The following PAPPA2 variants were observed in gnomAD, a reference collection of about 807,000 sequenced individuals.
PAPPA2 encodes pappalysin 2.
A neutral mutation model predicts 176.4 loss-of-function variants in PAPPA2; 86 were observed. The ratio of observed to expected loss-of-function variants is 0.49; its 90% confidence interval spans 0.41 to 0.58. The LOEUF is 0.58. PAPPA2 is among the 20% of genes least tolerant of loss of function. The pLI, the probability that PAPPA2 is intolerant of heterozygous loss-of-function variation, is 0.00. For missense variants in PAPPA2, 2,073 were observed against 2,256.9 expected (o/e 0.92, Z 1.65); for synonymous variants, 809 against 852.2 (o/e 0.95, Z 0.88).
intron 1 of PAPPA2, among the ~76,000 whole-genome samples, chr1:176,487,659 T>A (rs1013851940): frequency 6.6e-6 from 1 of 152,044 alleles, no homozygotes; most frequent in Non-Finnish European, 1.5e-5. Context: ...CTAATAAGCA[T>A]TTATTGAGTG....
chr1:176,744,187 T>C (rs981480345), intron 14 of PAPPA2, among the ~76,000 whole-genome samples: 2 of 152,226 alleles, frequency 1.3e-5, no homozygotes, highest in African/African-American at 4.8e-5. Context: ...GGATCATACA[T>C]CTTGCCAATC....
At chr1:176,651,538 A>G (rs774330788) in intron 3 of PAPPA2, among the ~76,000 whole-genome samples, 8 of 151,568 alleles carry the variant, frequency 5.3e-5, no homozygotes, top group Non-Finnish European at 1.0e-4. Context: ...TTCTTTTAGA[A>G]TCCTTTCTTT....
In PAPPA2 at chr1:176,726,219, A is replaced by G. The variant is rs1400807092; in HGVS notation, c.3799-13407A>G. Among the ~76,000 whole-genome samples the G allele has an allele frequency of 2.6e-5, 4 of 152,198 alleles. No homozygotes were observed. The South Asian group carries it at 6.2e-4, about 24-fold the overall frequency. On this transcript the variant is annotated intron_variant, in intron 12 of 22. Transcript: ENST00000367662. Reference sequence around the variant, plus strand: ...GTCATTTAGCTCAAGGATTATTTCTATTATAGAACCTAACCCTTTCTAAAC... The same window carrying G: ...GTCATTTAGCTCAAGGATTATTTCTGTTATAGAACCTAACCCTTTCTAAAC...
chr1:176,790,097 A>G, intron 18 of PAPPA2, 120 bp downstream of exon 18: 1 of 1,145,346 alleles, frequency 8.7e-7, no homozygotes, highest in Non-Finnish European at 1.3e-6. Context: ...TTGGGATTCT[A>G]ATCGGGAGTG....
chr1:176,737,798 G>A lies in PAPPA2; in HGVS notation c.3799-1828G>A, dbSNP rs572396166. 7.9e-5 allele frequency among the ~76,000 whole-genome samples: 12 copies of A among 152,156 alleles called. No individual in the cohort carries two copies. The South Asian group carries it at 1.9e-3, about 24-fold the overall frequency. On this transcript the variant is annotated intron_variant, in intron 12 of 22. Transcript: ENST00000367662. Reference sequence around the variant, plus strand: ...AAAATAGGTTGGAGGTTTAGGCAGCGACGTTCAAAAGGTAGACACTCACAC... The same window carrying A: ...AAAATAGGTTGGAGGTTTAGGCAGCAACGTTCAAAAGGTAGACACTCACAC...
chr1:176,691,243 G>C (rs1038353746), intron 5 of PAPPA2: 11 of 911,090 alleles, frequency 1.2e-5, no homozygotes, highest in African/African-American at 1.8e-5. Flanking sequence ...TATAAGTTTT[G>C]GGGGCTTGTT....
intron 1 of PAPPA2, among the ~76,000 whole-genome samples, chr1:176,534,690 C>A (rs530211876): frequency 6.6e-6 from 1 of 152,238 alleles, no homozygotes; most frequent in South Asian, 2.1e-4. Context: ...AGAAGCAATG[C>A]GGTTTATCTC....
intron 14 of PAPPA2, among the ~76,000 whole-genome samples, chr1:176,749,071 A>ATCATACACATATTTGACCACATTGGTGG (rs71129583): frequency 0.9 from 136,492 of 151,444 alleles, 61,539 homozygotes; most frequent in East Asian, 0.96. Context: ...TCCAGTATCT[A>ATCATACACATATTTGACCACATTGGTGG]TCATACACAT....
chr1:176,734,024 T>TC (rs1027082249), intron 12 of PAPPA2, among the ~76,000 whole-genome samples: 8 of 152,000 alleles, frequency 5.3e-5, no homozygotes, highest in Admixed American at 4.6e-4. Flanking sequence ...AGAGGTTTTT[T>TC]CCCCCCTCTG....
chr1:176,793,655 C>A lies in PAPPA2; in HGVS notation c.5116C>A (p.Pro1706Thr), dbSNP rs758754937. Residue 1706 changes from proline (P) to threonine (T), a missense_variant, in exon 20 of 23, where the codon CCT becomes ACT. Physicochemically the swap from Pro to Thr is conservative, Grantham distance 38. Transcript: ENST00000367662. ...TADTLEHWMEPVKVQSIVCTG... is the reference protein window; with the variant it reads ...TADTLEHWMETVKVQSIVCTG... ...TGACACTCTGGAGCACTGGATGGAA[C>A]CTGTCAAAGTCCAGGTGAGGAAAGG... 3.7e-6 allele frequency: 6 copies of A among 1,607,336 alleles called. No homozygotes were observed. Among genetic ancestry groups the A allele is most frequent in the Non-Finnish European group, 4.3e-6 (5 of 1,175,278 alleles).
chr1:176,711,953 T>C lies in PAPPA2; in HGVS notation c.3770T>C (p.Leu1257Pro). Residue 1257 changes from leucine (L) to proline (P), a missense_variant, in exon 12 of 23, where the codon CTG becomes CCG. Physicochemically the swap from Leu to Pro is moderately conservative, Grantham distance 98. Coordinates refer to ENST00000367662, the MANE Select transcript of PAPPA2 (RefSeq NM_020318.3). ...DDRSEQPEGS[L>P]KKEDEVWLKV... ...AGGAGTGAACAGCCAGAAGGTAGCC[T>C]GAAGAAAGAGGATGAGGTTTGGCTC... is the stretch of plus-strand genomic sequence containing the variant. 1 of 1,613,290 alleles carries C rather than the reference T, an allele frequency of 6.2e-7. No homozygotes were observed.
At position 176,739,661 on chromosome 1, in the gene PAPPA2, T is replaced by A; in HGVS notation, c.3834T>A (p.Ile1278=). 1 of 1,613,692 alleles carries A rather than the reference T, an allele frequency of 6.2e-7. No homozygotes were observed. The highest frequency in any genetic ancestry group is 8.5e-7 in the Non-Finnish European group (1 of 1,179,742). ...CFNRPGEARA[I]FIFLTTDGLV... ...ATAGACCAGGAGAGGCCAGAGCAAT[T>A]TTTATTTTTTTGACAACTGATGGCC... The change falls in exon 13 of 23, where the codon ATT becomes ATA. Residue 1278 remains isoleucine, a synonymous_variant. Transcript: ENST00000367662.
intron 2 of PAPPA2, 127 bp from the exon 3 acceptor site, chr1:176,594,397 T>G (rs954321600): frequency 1.4e-5 from 11 of 765,954 alleles, no homozygotes; most frequent in Non-Finnish European, 2.3e-5. Flanking sequence ...GAGAAATCTG[T>G]GTCGCTTACT....
At chr1:176,803,386 G>C (rs1282696938) in intron 21 of PAPPA2, among the ~76,000 whole-genome samples, 1 of 152,170 alleles carries the variant, frequency 6.6e-6, no homozygotes, top group Non-Finnish European at 1.5e-5. Flanking sequence ...CAGAATGCAG[G>C]GGCATTGCTG....
chr1:176,690,689 A>G, intron 5 of PAPPA2: 1 of 1,260,088 alleles, frequency 7.9e-7, no homozygotes, highest in Non-Finnish European at 1.0e-6. Flanking sequence ...CCTCGATAGT[A>G]AAAAAGGCAC....
chr1:176,623,587 C>T (rs1433580744), intron 3 of PAPPA2, among the ~76,000 whole-genome samples: 2 of 139,496 alleles, frequency 1.4e-5, no homozygotes, highest in Non-Finnish European at 3.1e-5. Flanking sequence ...TCCTTCCTTC[C>T]TTCCTTCCTT....
chr1:176,733,104 A>G (rs1324161488), intron 12 of PAPPA2, among the ~76,000 whole-genome samples: 1 of 152,180 alleles, frequency 6.6e-6, no homozygotes. Flanking sequence ...TCCTGAAACC[A>G]TCCTCCTCCA....
intron 17 of PAPPA2, among the ~76,000 whole-genome samples, chr1:176,786,948 G>A (rs899821069): frequency 2.0e-5 from 3 of 152,140 alleles, no homozygotes; most frequent in Non-Finnish European, 4.4e-5. Flanking sequence ...AGAGGAGGGT[G>A]AGGATGGAAA....
intron 2 of PAPPA2, among the ~76,000 whole-genome samples, chr1:176,565,661 A>G (rs569972506): frequency 6.6e-6 from 1 of 152,238 alleles, no homozygotes; most frequent in East Asian, 1.9e-4. Context: ...GTGCCGCTGC[A>G]CTCCAGCCTG....
Sources: allele counts gnomAD v4.1 joint callset (sites outside exome capture counted in the v4.1 genomes callset), GRCh38; gene constraint gnomAD v4.1.1; transcripts MANE v1.5; gene names NCBI Gene and HGNC (gene_info 2026-07-23, HGNC 2026-07-21).